MYL7: variants seen among roughly 807,000 people sequenced by gnomAD.
MYL7 encodes myosin light chain 7, also known as myosin regulatory light chain 2, atrial isoform.
A neutral mutation model predicts 22.5 loss-of-function variants in MYL7; 27 were observed. The ratio of observed to expected loss-of-function variants is 1.20; its 90% confidence interval spans 0.89 to 1.66. The LOEUF (loss-of-function observed/expected upper bound fraction) is 1.66, where lower values mean the gene tolerates loss of function less well. MYL7 is among the 40% of genes most tolerant of loss of function. MYL7 has a pLI of 0.00. For missense variants in MYL7, 209 were observed against 226.8 expected (o/e 0.92, Z 0.50); for synonymous variants, 81 against 84.4 (o/e 0.96, Z 0.22).
intron 1 of MYL7, 44 bp from the exon 2 acceptor site, chr7:44,141,118 A>G: frequency 1.3e-6 from 2 of 1,596,734 alleles, no homozygotes; most frequent in Non-Finnish European, 1.7e-6. Context: ...CCAACTCCTC[A>G]GAGTCTCCCC....
intron 6 of MYL7, 185 bp downstream of exon 6, chr7:44,139,336 C>T (rs1562706189): frequency 1.3e-6 from 1 of 763,802 alleles, no homozygotes. Flanking sequence ...CTGCCTGGCG[C>T]ACCCTGCCCT....
chr7:44,141,019 CGTT>C lies in MYL7; in HGVS notation c.56_58del (p.Gln19del). 1.2e-6 allele frequency: 2 copies of C among 1,614,012 alleles called. No individual in the cohort carries two copies. Among genetic ancestry groups the C allele is most frequent in the Non-Finnish European group, 1.7e-6 (2 of 1,179,956 alleles). On this transcript the variant is annotated inframe_deletion, in exon 2 of 7. Transcript: ENST00000223364. Reference sequence around the variant, plus strand: ...CATGGAAAAGACGTTGGAAGAACCACGTTGGGCCTGCTTGGTGGCTGCCACCTT... The same window carrying C: ...CATGGAAAAGACGTTGGAAGAACCACGGGCCTGCTTGGTGGCTGCCACCTT...
At chr7:44,139,928 T>G (rs1032251634) in intron 4 of MYL7, 68 bp from the exon 5 acceptor site, 5 of 1,423,422 alleles carry the variant, frequency 3.5e-6, no homozygotes. Context: ...CAGGAGGAAC[T>G]GGGCTGCATG....
chr7:44,140,308 C>T lies in MYL7; in HGVS notation c.298+15G>A. 6.2e-7 allele frequency: 1 copy of T among 1,611,424 alleles called. No individual in the cohort carries two copies. The highest frequency in any genetic ancestry group is 8.5e-7 in the Non-Finnish European group (1 of 1,177,832). ...CCTGCCTGGCCAAGGGTGCCCAGCT[C>T]TGTCCCAGGCTCACCATTGAGCTTC... On this transcript the variant is annotated intron_variant, in intron 4 of 6. Coordinates refer to ENST00000223364, the MANE Select transcript of MYL7 (RefSeq NM_021223.3).
Position 44,139,579 on chromosome 7 carries a change from G to T in MYL7, c.378-10C>A. 1 of 1,603,818 alleles carries T rather than the reference G, an allele frequency of 6.2e-7. No homozygotes were observed. The highest frequency in any genetic ancestry group is 8.5e-7 in the Non-Finnish European group (1 of 1,174,890). Reference sequence around the variant, plus strand: ...GAGAAGCTGCTTGAACCTGGGGGGTGAGGAGGGTCTGAGCAGGAGACTGCG... The same window carrying T: ...GAGAAGCTGCTTGAACCTGGGGGGTTAGGAGGGTCTGAGCAGGAGACTGCG... On this transcript the variant is annotated splice_polypyrimidine_tract_variant and intron_variant, in intron 5 of 6. Coordinates refer to ENST00000223364, the MANE Select transcript of MYL7 (RefSeq NM_021223.3).
chr7:44,140,194 G>A, intron 4 of MYL7, 129 bp downstream of exon 4: 2 of 742,910 alleles, frequency 2.7e-6, no homozygotes, highest in South Asian at 3.3e-5. Flanking sequence ...GGTCCAGGTG[G>A]GGTTCAGTTA....
chr7:44,139,993 C>T (rs180887083), intron 4 of MYL7, 133 bp from the exon 5 acceptor site: 74 of 838,324 alleles, frequency 8.8e-5, no homozygotes, highest in Admixed American at 4.1e-4. Context: ...TAAAATGTTT[C>T]TCGGGGATCA....
Position 44,138,996 on chromosome 7 carries a change from G to T in MYL7, c.453C>A (p.Pro151=). 1 of 1,614,096 alleles carries T rather than the reference G, an allele frequency of 6.2e-7. No homozygotes were observed. Among genetic ancestry groups the T allele is most frequent in the South Asian group, 1.1e-5 (1 of 91,086 alleles). Residue 151 remains proline, a synonymous_variant, in exon 7 of 7, where the codon CCC becomes CCA. Transcript: ENST00000223364. ...AEVEQMFALT[P]MDLAGNIDYK... ...AGTCGATGTTCCCCGCCAGGTCCAT[G>T]GGTGTCAGGGCGAACATCTGCTCCA...
chr7:44,139,071 C>G (rs142926223), intron 6 of MYL7, 49 bp from the exon 7 acceptor site: 2 of 1,439,644 alleles, frequency 1.4e-6, no homozygotes, highest in Non-Finnish European at 9.8e-7. Context: ...TGGCCCAGCC[C>G]GGCAGAGACC....
rs150622990 is a variant in MYL7 at position 44,138,977 on chromosome 7, T to C, written c.472A>G (p.Ile158Val). The part of the protein sequence containing the change: ...ALTPMDLAGN[I>V]DYKSLCYIIT... The stretch of plus-strand genomic sequence containing the variant: ...ATGTAGCACAGTGACTTGTAGTCGA[T>C]GTTCCCCGCCAGGTCCATGGGTGTC... Residue 158 changes from isoleucine (I) to valine (V), a missense_variant, in exon 7 of 7, where the codon ATC (isoleucine) becomes GTC (valine). By Grantham distance (29) the Ile-to-Val change is conservative. Coordinates refer to ENST00000223364, the MANE Select transcript of MYL7 (RefSeq NM_021223.3). 2.1e-4 allele frequency: 334 copies of C among 1,614,160 alleles called. 1 individual carries two copies. In the African/African-American group the frequency reaches 4.3e-3, roughly 21 times the overall value.
chr7:44,139,588 C>G lies in MYL7; in HGVS notation c.378-19G>C. On this transcript the variant is annotated intron_variant, in intron 5 of 6. Coordinates refer to ENST00000223364, the MANE Select transcript of MYL7 (RefSeq NM_021223.3). ...CTTGAACCTGGGGGGTGAGGAGGGT[C>G]TGAGCAGGAGACTGCGGGGGAGTGA... is the stretch of plus-strand genomic sequence containing the variant. 2 of 1,600,052 alleles carry G rather than the reference C, an allele frequency of 1.2e-6. No homozygotes were observed. The highest frequency in any genetic ancestry group is 1.7e-6 in the Non-Finnish European group (2 of 1,173,206).
intron 3 of MYL7, 54 bp downstream of exon 3, chr7:44,140,658 C>T: frequency 2.0e-6 from 3 of 1,529,388 alleles, no homozygotes; most frequent in East Asian, 2.3e-5. Context: ...CCCACCCGCC[C>T]AGCAGCTCAG....
rs752617022 is a variant in MYL7, at chr7:44,141,287, C to T, written c.3+16G>A. 1 of 1,614,090 alleles carries T rather than the reference C, an allele frequency of 6.2e-7. No individual in the cohort carries two copies. On this transcript the variant is annotated intron_variant, in intron 1 of 6. Coordinates refer to ENST00000223364, the MANE Select transcript of MYL7 (RefSeq NM_021223.3). ...CCTGGGAGACCGCTAGCCTTTCTTC[C>T]CCAGCAGGCACTCACCATTCTCTCT...
chr7:44,140,641 A>G lies in MYL7; in HGVS notation c.193+71T>C, dbSNP rs566096262. On this transcript the variant is annotated intron_variant, in intron 3 of 6. Transcript: ENST00000223364. ...CAGGGGAGCAGAGTCCTGTCCCCCC[A>G]GCCACTCCCACCCGCCCAGCAGCTC... is the stretch of plus-strand genomic sequence containing the variant. 100 of 1,476,908 alleles carry G rather than the reference A, an allele frequency of 6.8e-5. 1 individual carries two copies. In the East Asian group the frequency reaches 1.7e-3, roughly 24 times the overall value. The allele number at this position is 1,476,908 out of a possible 1,614,324, so 91.5% of individuals were successfully genotyped here. A position where few individuals can be genotyped will look rare whatever the true frequency, so the allele number is the denominator to read the frequency against.
rs377750544 is a variant in MYL7 at position 44,139,022 on chromosome 7, C to T, written c.427G>A (p.Val143Met). Residue 143 changes from valine (V) to methionine (M), a missense_variant and splice_region_variant, in exon 7 of 7, where the codon GTG becomes ATG. Physicochemically the swap from Val to Met is conservative, Grantham distance 21. Coordinates refer to ENST00000223364, the MANE Select transcript of MYL7 (RefSeq NM_021223.3). ...TQADKFSPAE[V>M]EQMFALTPMD... ...GGTGTCAGGGCGAACATCTGCTCCA[C>T]CTGCAGGGGACACTGGTGAGTGGCA... 1.9e-6 allele frequency: 3 copies of T among 1,613,572 alleles called. No individual in the cohort carries two copies. Among genetic ancestry groups the T allele is most frequent in the African/African-American group, 2.7e-5 (2 of 74,928 alleles).
chr7:44,139,273 A>G (rs1028691135), intron 6 of MYL7: 1 of 652,700 alleles, frequency 1.5e-6, no homozygotes, highest in Non-Finnish European at 2.7e-6. Flanking sequence ...GCCCACCCCG[A>G]GTGTACGAAA....
chr7:44,139,967 G>C (rs1396220093), intron 4 of MYL7, 107 bp from the exon 5 acceptor site: 1 of 968,856 alleles, frequency 1.0e-6, no homozygotes, highest in Non-Finnish European at 1.5e-6. Flanking sequence ...AGAAGAGGTG[G>C]GGGTATTCCC....
chr7:44,139,937 T>C, intron 4 of MYL7, 77 bp from the exon 5 acceptor site: 1 of 1,314,124 alleles, frequency 7.6e-7, no homozygotes, highest in Non-Finnish European at 1.0e-6. Flanking sequence ...CTGGGCTGCA[T>C]GAGGAGCCTC....
At chr7:44,139,055 G>A in intron 6 of MYL7, 33 bp from the exon 7 acceptor site, 2 of 1,572,410 alleles carry the variant, frequency 1.3e-6, no homozygotes, top group Non-Finnish European at 1.8e-6. Context: ...GCAGTCCCCT[G>A]GCTCCTGGCC....
Sources: gnomAD v4.1 joint callset for allele counts on GRCh38, gnomAD v4.1.1 for gene constraint, MANE v1.5 for transcripts, NCBI Gene and HGNC (gene_info 2026-07-23, HGNC 2026-07-21) for gene names.